Variants in ABL1 observed in about 807,000 individuals in gnomAD.
ABL1 encodes tyrosine-protein kinase ABL1.
A neutral mutation model predicts 94.7 loss-of-function variants in ABL1; 11 were observed. The observed-to-expected ratio is 0.12, with a 90% CI of 0.07 to 0.19. The LOEUF (loss-of-function observed/expected upper bound fraction) is 0.19, where lower values mean the gene tolerates loss of function less well. Among genes scored for constraint, ABL1 ranks in the 10% least tolerant of loss-of-function variants. ABL1 has a pLI of 1.00. For synonymous variants in ABL1, 656 were observed against 622.4 expected (o/e 1.05, Z -0.80); for missense variants, 1,082 against 1,489.4 (o/e 0.73, Z 4.50).
intron 1 of ABL1, among the ~76,000 whole-genome samples, chr9:130,850,874 A>G (rs1830846220): frequency 6.6e-6 from 1 of 152,046 alleles, no homozygotes; most frequent in African/African-American, 2.4e-5. Flanking sequence ...AATGTACACT[A>G]AATGGGGGTG....
chr9:130,834,238 C>A (rs954941538), upstream of ABL1, among the ~76,000 whole-genome samples: 1 of 152,236 alleles, frequency 6.6e-6, no homozygotes, highest in Non-Finnish European at 1.5e-5. Flanking sequence ...AGCTCTTACT[C>A]TTCATGGCTA....
intron 1 of ABL1, among the ~76,000 whole-genome samples, chr9:130,726,375 C>A (rs1488974020): frequency 1.3e-5 from 2 of 152,102 alleles, no homozygotes; most frequent in Non-Finnish European, 2.9e-5. Flanking sequence ...CGTTTTAGCA[C>A]CATCGATTAG....
At chr9:130,835,050 T>C, upstream of ABL1, 1 of 322,740 alleles carries the variant, frequency 3.1e-6, no homozygotes, top group Non-Finnish European at 6.2e-6. The surrounding 1 kb of genome is among the most constrained non-coding windows in gnomAD (Gnocchi z 4.6). Flanking sequence ...GAGAAAGACC[T>C]CCGCGGGCCG....
chr9:130,846,765 C>T (rs576664749), intron 1 of ABL1, among the ~76,000 whole-genome samples: 28 of 152,334 alleles, frequency 1.8e-4, no homozygotes, highest in African/African-American at 4.6e-4. Flanking sequence ...TGTTCGCCAG[C>T]GTCTGGCACA....
chr9:130,785,694 G>A (rs183738730), intron 1 of ABL1, among the ~76,000 whole-genome samples: 8 of 152,054 alleles, frequency 5.3e-5, no homozygotes, highest in Non-Finnish European at 8.8e-5. Flanking sequence ...AGGCCAAGGC[G>A]GGCAGATCAC....
intron 1 of ABL1, among the ~76,000 whole-genome samples, chr9:130,812,169 G>C (rs181429364): frequency 7.2e-6 from 1 of 139,464 alleles, no homozygotes; most frequent in African/African-American, 2.7e-5. Flanking sequence ...TTTGAGACCA[G>C]CTTTGGAAGC....
chr9:130,794,938 A>ACT (rs1226472714), intron 1 of ABL1, among the ~76,000 whole-genome samples: 2 of 152,228 alleles, frequency 1.3e-5, no homozygotes, highest in African/African-American at 4.8e-5. Flanking sequence ...GGCAGAATAT[A>ACT]CTGAGTATTT....
At chr9:130,725,837 T>G (rs7389092) in intron 1 of ABL1, among the ~76,000 whole-genome samples, 15 of 92,650 alleles carry the variant, frequency 1.6e-4, no homozygotes, top group African/African-American at 2.8e-4. Context: ...TTTTTTTTTT[T>G]TTTTTTTTTT....
rs187616979 is a variant in ABL1 at position 130,844,151 on chromosome 9, T to C, written c.79+8626T>C. Among the ~76,000 whole-genome samples the C allele has an allele frequency of 5.6e-3, 858 of 152,238 alleles. 16 individuals carry two copies. Among genetic ancestry groups the C allele is most frequent in the Non-Finnish European group, 4.7e-3 (317 of 68,016 alleles). The stretch of plus-strand genomic sequence containing the variant: ...CTGCCTCTCGGCTGGCAGCCATCTC[T>C]AAGGGATTTGAAGCAAGAGAGTGAC... On this transcript the variant is annotated intron_variant, in intron 1 of 10. Transcript: ENST00000318560.
At chr9:130,727,757 C>G (rs1269605418) in intron 1 of ABL1, among the ~76,000 whole-genome samples, 4 of 132,964 alleles carry the variant, frequency 3.0e-5, no homozygotes, top group Admixed American at 7.2e-5. Context: ...CACCGCCCCC[C>G]CCCCCCAAAA....
chr9:130,790,968 A>G (rs1829901537), intron 1 of ABL1, among the ~76,000 whole-genome samples: 1 of 152,188 alleles, frequency 6.6e-6, no homozygotes, highest in African/African-American at 2.4e-5. Context: ...AAATTATAGA[A>G]TCTAGGGTAG....
intron 1 of ABL1, among the ~76,000 whole-genome samples, chr9:130,731,433 A>T (rs141209162): frequency 2.1e-4 from 32 of 152,288 alleles, no homozygotes; most frequent in African/African-American, 7.7e-4. Context: ...CTAAGGTCAC[A>T]AAGAAGTTTC....
chr9:130,877,822 T>C (rs1484011571), intron 7 of ABL1, among the ~76,000 whole-genome samples: 1 of 140,860 alleles, frequency 7.1e-6, no homozygotes, highest in African/African-American at 2.8e-5. Flanking sequence ...TTTTTTTTTT[T>C]TTGAGATGGA....
rs780160146 is a variant in ABL1 at position 130,880,083 on chromosome 9, C to T, written c.1439C>T (p.Pro480Leu). 1.9e-6 allele frequency: 3 copies of T among 1,614,144 alleles called. No homozygotes were observed. Among genetic ancestry groups the T allele is most frequent in the East Asian group, 4.5e-5 (2 of 44,874 alleles). Residue 480 changes from proline (P) to leucine (L), a missense_variant, in exon 9 of 11, where the codon CCC (proline) becomes CTC (leucine). Coordinates refer to ENST00000318560, the MANE Select transcript of ABL1 (RefSeq NM_005157.6). The surrounding 1 kb of genome is among the most constrained non-coding windows in gnomAD (Gnocchi z 4.4). ...ATCTGTCCAGGTTGGCAGTGGAATCCCTCTGACCGGCCCTCCTTTGCTGAA... is the reference window on the plus strand; with the variant it reads ...ATCTGTCCAGGTTGGCAGTGGAATCTCTCTGACCGGCCCTCCTTTGCTGAA... The part of the protein sequence containing the change: ...ELMRACWQWN[P>L]SDRPSFAEIH...
chr9:130,873,929 G>C (rs1166447892), intron 6 of ABL1, among the ~76,000 whole-genome samples: 1 of 152,214 alleles, frequency 6.6e-6, no homozygotes, highest in African/African-American at 2.4e-5. Context: ...CTCCATGAGA[G>C]CCTGATCCAG....
chr9:130,762,188 A>G (rs982800365), intron 1 of ABL1, among the ~76,000 whole-genome samples: 3 of 151,832 alleles, frequency 2.0e-5, no homozygotes, highest in African/African-American at 7.3e-5. Flanking sequence ...GATGCTGAAG[A>G]AGGTAACAGT....
At chr9:130,791,224 A>G (rs1469603481) in intron 1 of ABL1, among the ~76,000 whole-genome samples, 1 of 152,090 alleles carries the variant, frequency 6.6e-6, no homozygotes, top group Non-Finnish European at 1.5e-5. Context: ...TTCTATACCA[A>G]GAGTGGAACT....
intron 1 of ABL1, among the ~76,000 whole-genome samples, chr9:130,721,149 C>T (rs184574759): frequency 2.5e-4 from 38 of 152,180 alleles, no homozygotes; most frequent in East Asian, 1.9e-3. Flanking sequence ...GAGGCCAAGG[C>T]GGGCGGATCA....
At chr9:130,767,650 A>C (rs1407219861) in intron 1 of ABL1, among the ~76,000 whole-genome samples, 1 of 152,148 alleles carries the variant, frequency 6.6e-6, no homozygotes, top group African/African-American at 2.4e-5. Context: ...ATATTTGAAT[A>C]CCGAGTTTTA....
Sources: allele counts gnomAD v4.1 joint callset (sites outside exome capture counted in the v4.1 genomes callset), GRCh38; gene constraint gnomAD v4.1.1; non-coding constraint Gnocchi (gnomAD v3.1); transcripts MANE v1.5; gene names NCBI Gene and HGNC (gene_info 2026-07-23, HGNC 2026-07-21).